Variants in APBA1 observed in about 807,000 individuals in gnomAD.
The protein encoded by APBA1 is amyloid-beta A4 precursor protein-binding family A member 1.
APBA1 carries 55 observed loss-of-function variants against 86.6 expected under a neutral mutation model. The observed-to-expected ratio is 0.64, with a 90% CI of 0.51 to 0.80. APBA1 has a LOEUF of 0.80. Ranked by LOEUF, APBA1 falls within the 30% of genes least tolerant of loss-of-function variation. APBA1 has a pLI of 0.00. For synonymous variants in APBA1, 511 were observed against 493.9 expected, an observed-to-expected ratio of 1.03 and a Z score of -0.46; for missense variants, 1,090 against 1,183.0, an observed-to-expected ratio of 0.92 and a Z score of 1.15.
At chr9:69,586,175 G>A (rs1822015749) in intron 1 of APBA1, among the ~76,000 whole-genome samples, 1 of 152,134 alleles carries the variant, frequency 6.6e-6, no homozygotes, top group South Asian at 2.1e-4. Flanking sequence ...AAACAGATCA[G>A]TATGCTTCTA....
chr9:69,603,247 CG>C (rs2133975258), intron 1 of APBA1, among the ~76,000 whole-genome samples: 1 of 152,276 alleles, frequency 6.6e-6, no homozygotes, highest in African/African-American at 2.4e-5. Flanking sequence ...AAGGCAAAAC[CG>C]TCATCCAAAA....
At chr9:69,557,814 C>A (rs1836886308) in intron 1 of APBA1, among the ~76,000 whole-genome samples, 1 of 152,152 alleles carries the variant, frequency 6.6e-6, no homozygotes, top group Non-Finnish European at 1.5e-5. Context: ...CCTGGTTTAC[C>A]CTTTACTGAT....
intron 11 of APBA1, among the ~76,000 whole-genome samples, chr9:69,434,952 C>A (rs1382070821): frequency 2.6e-5 from 3 of 115,392 alleles, no homozygotes; most frequent in Non-Finnish European, 5.2e-5. Flanking sequence ...CCCCTCCCCC[C>A]ACCCCACAAC....
chr9:69,514,473 C>T (rs1268549769), intron 2 of APBA1, among the ~76,000 whole-genome samples: 4 of 152,156 alleles, frequency 2.6e-5, no homozygotes, highest in African/African-American at 7.2e-5. Flanking sequence ...CCTGTCATCC[C>T]AGCTACTCAG....
At chr9:69,442,507 G>A (rs1834840995) in intron 10 of APBA1, among the ~76,000 whole-genome samples, 1 of 152,208 alleles carries the variant, frequency 6.6e-6, no homozygotes, top group Non-Finnish European at 1.5e-5. Context: ...TCCTGCAGGA[G>A]AGAACAGCTA....
At chr9:69,475,216 G>A (rs930037150) in intron 3 of APBA1, among the ~76,000 whole-genome samples, 4 of 152,196 alleles carry the variant, frequency 2.6e-5, no homozygotes. Context: ...TCACTGAAAT[G>A]CTCCACATAA....
At chr9:69,622,743 C>T (rs539801984) in intron 1 of APBA1, among the ~76,000 whole-genome samples, 4 of 152,284 alleles carry the variant, frequency 2.6e-5, no homozygotes, top group South Asian at 2.1e-4. Flanking sequence ...TACTTCTGTA[C>T]GTCCAAGAAC....
At chr9:69,464,358 G>GATACTTATA (rs1273583902) in intron 5 of APBA1, 1 of 152,240 alleles carries the variant, frequency 6.6e-6, no homozygotes, top group Non-Finnish European at 1.5e-5. Flanking sequence ...ATTGTAAAAT[G>GATACTTATA]ATACTTATAA....
At chr9:69,511,933 GTA>G (rs1836052214) in intron 2 of APBA1, among the ~76,000 whole-genome samples, 1 of 143,230 alleles carries the variant, frequency 7.0e-6, no homozygotes, top group Non-Finnish European at 1.5e-5. Context: ...TGGGGTGGGG[GTA>G]GGGGGGAGGG....
chr9:69,553,750 C>A (rs763364607), intron 1 of APBA1, among the ~76,000 whole-genome samples: 5 of 152,182 alleles, frequency 3.3e-5, no homozygotes. Flanking sequence ...ATCTTTTCTA[C>A]AGACTGTTCT....
intron 2 of APBA1, among the ~76,000 whole-genome samples, chr9:69,480,773 C>A (rs1474484466): frequency 6.2e-3 from 400 of 65,036 alleles, no homozygotes; most frequent in African/African-American, 0.024. Context: ...AGCTTATCCA[C>A]CATGATCAAG....
intron 1 of APBA1, among the ~76,000 whole-genome samples, chr9:69,660,193 GA>G (rs1358162140): frequency 6.6e-6 from 1 of 152,206 alleles, no homozygotes; most frequent in Non-Finnish European, 1.5e-5. Context: ...TTATTAAGAA[GA>G]AAAACAGGAG....
chr9:69,487,240 C>T (rs116384776), intron 2 of APBA1, among the ~76,000 whole-genome samples: 1,576 of 152,082 alleles, frequency 0.01, 41 homozygotes, highest in African/African-American at 0.036. Flanking sequence ...AAGAGACACA[C>T]AAAAAGTGAG....
chr9:69,476,295 T>C (rs1447154058), intron 2 of APBA1, 152 bp from the exon 3 acceptor site: 1 of 579,814 alleles, frequency 1.7e-6, no homozygotes, highest in African/African-American at 1.9e-5. Flanking sequence ...AGCTGCCAAC[T>C]GTACATAAAA....
intron 11 of APBA1, among the ~76,000 whole-genome samples, chr9:69,437,037 T>C (rs759900552): frequency 2.0e-5 from 3 of 151,574 alleles, no homozygotes; most frequent in Non-Finnish European, 4.4e-5. Flanking sequence ...GAGATAATCA[T>C]ATGGTTTTTG....
chr9:69,457,556 T>A (rs1040359196), intron 6 of APBA1, among the ~76,000 whole-genome samples: 2 of 152,098 alleles, frequency 1.3e-5, no homozygotes, highest in African/African-American at 4.8e-5. Context: ...ACAATGTTTA[T>A]AGCAGCTGCA....
At chr9:69,604,237 C>T (rs577534502) in intron 1 of APBA1, among the ~76,000 whole-genome samples, 9 of 148,110 alleles carry the variant, frequency 6.1e-5, no homozygotes, top group Middle Eastern at 3.7e-3. Context: ...AGTGTGGGCA[C>T]GCATATGAGG....
intron 2 of APBA1, among the ~76,000 whole-genome samples, chr9:69,506,413 T>A (rs921839736): frequency 8.3e-6 from 1 of 119,926 alleles, no homozygotes; most frequent in African/African-American, 3.2e-5. Flanking sequence ...GCTCAGAGGG[T>A]CCTACGCCCA....
At chr9:69,604,819 T>G (rs1300055906) in intron 1 of APBA1, among the ~76,000 whole-genome samples, 1 of 122,060 alleles carries the variant, frequency 8.2e-6, no homozygotes, top group Non-Finnish European at 1.7e-5. Context: ...CACATGAGTG[T>G]GGGCACACAT....
Sources: allele counts gnomAD v4.1 joint callset (sites outside exome capture counted in the v4.1 genomes callset), GRCh38; gene constraint gnomAD v4.1.1; transcripts MANE v1.5; gene names NCBI Gene and HGNC (gene_info 2026-07-23, HGNC 2026-07-21).